Variants in SUCO observed in about 807,000 individuals in gnomAD.
SUCO encodes the protein SUN domain containing ossification factor, also known as SUN domain-containing ossification factor.
SUCO carries 57 observed loss-of-function variants against 148.1 expected under a neutral mutation model. The observed-to-expected ratio is 0.38, with a 90% CI of 0.31 to 0.48. The LOEUF (loss-of-function observed/expected upper bound fraction) is 0.48, where lower values mean the gene tolerates loss of function less well. Among genes scored for constraint, SUCO ranks in the 20% least tolerant of loss-of-function variants. The pLI, the probability that SUCO is intolerant of heterozygous loss-of-function variation, is 0.96. For missense variants in SUCO, 1,331 were observed against 1,468.2 expected, an observed-to-expected ratio of 0.91 and a Z score of 1.53; for synonymous variants, 470 against 502.7, an observed-to-expected ratio of 0.93 and a Z score of 0.87.
rs765223459 is a variant in SUCO, at chr1:172,589,607, A to G, written c.2506A>G (p.Asn836Asp). 6.2e-7 allele frequency: 1 copy of G among 1,613,908 alleles called. No individual in the cohort carries two copies. The highest frequency in any genetic ancestry group is 8.5e-7 in the Non-Finnish European group (1 of 1,179,896). The change falls in exon 18 of 24, where the codon AAT becomes GAT. Residue 836 changes from asparagine to aspartate, a missense_variant. Physicochemically the swap from Asn to Asp is conservative, Grantham distance 23 (BLOSUM62 1). Coordinates refer to ENST00000263688, the MANE Select transcript of SUCO (RefSeq NM_014283.5). The part of the protein sequence containing the change: ...PPINTATVPD[N>D]EDGEAKMNIA... ...AATAAATACAGCCACTGTACCCGAC[A>G]ATGAAGATGGGGAAGCCAAAATGAA...
chr1:172,609,284 G>C (rs1658060455), intron 23 of SUCO: 6 of 984,630 alleles, frequency 6.1e-6, no homozygotes, highest in Non-Finnish European at 7.2e-6. Context: ...CAAAGTCTTT[G>C]CTTTTTCATT....
chr1:172,540,367 T>G (rs1022292399), intron 1 of SUCO, among the ~76,000 whole-genome samples: 1 of 152,218 alleles, frequency 6.6e-6, no homozygotes, highest in African/African-American at 2.4e-5. Flanking sequence ...TAGGAAGGAA[T>G]GGACATTGGA....
In SUCO at chr1:172,570,090, CA is replaced by C. The variant is rs34888249; in HGVS notation, c.905del (p.Lys302ArgfsTer12). 4 of 1,591,536 alleles carry C rather than the reference CA, an allele frequency of 2.5e-6. No homozygotes were observed. Among genetic ancestry groups the C allele is most frequent in the African/African-American group, 1.3e-5 (1 of 74,308 alleles). On this transcript the variant is annotated frameshift_variant, in exon 8 of 24. Transcript: ENST00000263688. LOFTEE classifies it high-confidence loss of function. Reference sequence around the variant, plus strand: ...CTTCTAATGGAGGTTCACATGCCACCAAAAAGGTCCAGAAAAATCGAAATAA... The same window carrying C: ...CTTCTAATGGAGGTTCACATGCCACCAAAAGGTCCAGAAAAATCGAAATAA... ...ASSNGGSHAT[K>X]KVQKNRNNYA...
In SUCO at chr1:172,600,024, G is replaced by A. The variant is rs1657394005; in HGVS notation, c.2914-40G>A. 7 of 1,299,674 alleles carry A rather than the reference G, an allele frequency of 5.4e-6. No homozygotes were observed. In the East Asian group the frequency reaches 1.8e-4, roughly 34 times the overall value. The allele number at this position is 1,299,674 out of a possible 1,614,324, so 80.5% of individuals were successfully genotyped here. ...CTTCAATTTATAATGTTAATAGTTTGTAGTTAATATTCAAAAAAAAATAAA... is the reference window on the plus strand; with the variant it reads ...CTTCAATTTATAATGTTAATAGTTTATAGTTAATATTCAAAAAAAAATAAA... On this transcript the variant is annotated intron_variant, in intron 19 of 23. Coordinates refer to ENST00000263688, the MANE Select transcript of SUCO (RefSeq NM_014283.5).
At chr1:172,583,390 G>A (rs1656015435) in intron 15 of SUCO, among the ~76,000 whole-genome samples, 1 of 152,134 alleles carries the variant, frequency 6.6e-6, no homozygotes, top group Non-Finnish European at 1.5e-5. Context: ...AAGTACCACT[G>A]CTTTGTTGAC....
At chr1:172,545,545 A>G (rs955408239) in intron 1 of SUCO, among the ~76,000 whole-genome samples, 2 of 152,186 alleles carry the variant, frequency 1.3e-5, no homozygotes, top group Non-Finnish European at 1.5e-5. Flanking sequence ...GTTTAAGTTA[A>G]AACAGCAGTC....
At chr1:172,567,939 G>A (rs1037729964) in intron 6 of SUCO, among the ~76,000 whole-genome samples, 1 of 152,168 alleles carries the variant, frequency 6.6e-6, no homozygotes, top group African/African-American at 2.4e-5. Flanking sequence ...TAGGAACCAG[G>A]CGCACGACAG....
At chr1:172,609,720 G>C in intron 23 of SUCO, 96 bp from the exon 24 acceptor site, 1 of 1,504,008 alleles carries the variant, frequency 6.6e-7, no homozygotes. Context: ...CTTTTCACCA[G>C]GAGGTGGCAC....
chr1:172,573,482 C>T (rs906894849), intron 9 of SUCO, among the ~76,000 whole-genome samples: 1 of 152,076 alleles, frequency 6.6e-6, no homozygotes, highest in Non-Finnish European at 1.5e-5. Context: ...AGCCTTGAAT[C>T]CTTAAGATAA....
At chr1:172,590,874 C>G in intron 18 of SUCO, 110 bp from the exon 19 acceptor site, 1 of 737,840 alleles carries the variant, frequency 1.4e-6, no homozygotes, top group Non-Finnish European at 2.3e-6. Context: ...ATAAGAGTCA[C>G]TTTCAGAAAA....
intron 1 of SUCO, among the ~76,000 whole-genome samples, chr1:172,548,883 T>C (rs1653070503): frequency 6.6e-6 from 1 of 152,000 alleles, no homozygotes; most frequent in African/African-American, 2.4e-5. Flanking sequence ...AATATAAATA[T>C]CATTTTGTCC....
At chr1:172,568,379 G>C in intron 6 of SUCO, 1 of 923,044 alleles carries the variant, frequency 1.1e-6, no homozygotes, top group Non-Finnish European at 1.3e-6. Flanking sequence ...TTGACTGAAT[G>C]TATTGCAGAT....
At position 172,553,289 on chromosome 1, in the gene SUCO, A is replaced by G. The variant is rs1458191546; in HGVS notation, c.207A>G (p.Glu69=). 21 of 1,598,948 alleles carry G rather than the reference A, an allele frequency of 1.3e-5. No individual in the cohort carries two copies. The highest frequency in any genetic ancestry group is 1.8e-5 in the Non-Finnish European group (21 of 1,170,268). ...KDEREGPINA[E]SLGKSGSNLP... is the part of the protein sequence containing the mutation. ...AAAGAGAGGGACCTATCAATGCCGA[A>G]TCATTGGGAAAATCAGGTTCAAATT... The change falls in exon 3 of 24, where the codon GAA becomes GAG. Residue 69 remains glutamate (E), a synonymous_variant. Transcript: ENST00000263688.
chr1:172,579,380 G>A (rs1655703054), intron 15 of SUCO, 113 bp downstream of exon 15: 1 of 585,530 alleles, frequency 1.7e-6, no homozygotes. Context: ...ACTTTGAGTT[G>A]AAATAAAAGA....
At chr1:172,604,704 A>G (rs1435367155) in intron 22 of SUCO, among the ~76,000 whole-genome samples, 1 of 151,682 alleles carries the variant, frequency 6.6e-6, no homozygotes, top group Non-Finnish European at 1.5e-5. Context: ...GGCAACCACT[A>G]TTCTATTTTC....
chr1:172,556,795 T>TA (rs1653788451), intron 4 of SUCO: 1 of 917,082 alleles, frequency 1.1e-6, no homozygotes, highest in Non-Finnish European at 1.3e-6. Context: ...TAAGGCTAGA[T>TA]ACTATATATC....
rs983340190 is a variant in SUCO, at chr1:172,557,641, C to A, written c.582-3C>A. 1.3e-6 allele frequency: 2 copies of A among 1,584,992 alleles called. No individual in the cohort carries two copies. The highest frequency in any genetic ancestry group is 1.4e-5 in the African/African-American group (1 of 73,086). ...ATTTAATATATCTTTTGGTTTTAAA[C>A]AGCCTTGTTGGCCAGCATATAGAAA... is the stretch of plus-strand genomic sequence containing the variant. On this transcript the variant is annotated splice_region_variant and splice_polypyrimidine_tract_variant and intron_variant, in intron 5 of 23. Coordinates refer to ENST00000263688, the MANE Select transcript of SUCO (RefSeq NM_014283.5).
intron 15 of SUCO, among the ~76,000 whole-genome samples, chr1:172,579,491 T>G (rs1024238568): frequency 6.6e-6 from 1 of 152,106 alleles, no homozygotes; most frequent in African/African-American, 2.4e-5. Context: ...TTTCTTCTAC[T>G]CTAATTAGGC....
At chr1:172,577,949 C>T (rs899515867) in intron 13 of SUCO, 130 bp downstream of exon 13, 40 of 648,896 alleles carry the variant, frequency 6.2e-5, no homozygotes, top group Non-Finnish European at 9.4e-5. Context: ...ACTGTGAAAC[C>T]TTTCTTTTGA....
Sources: gnomAD v4.1 joint callset for allele counts (sites outside exome capture counted in the v4.1 genomes callset) on GRCh38, gnomAD v4.1.1 for gene constraint, MANE v1.5 for transcripts, NCBI Gene and HGNC (gene_info 2026-07-23, HGNC 2026-07-21) for gene names.